Variants in VEPH1 observed in about 807,000 individuals in gnomAD.
VEPH1 encodes the protein ventricular zone-expressed PH domain-containing protein homolog 1.
A neutral mutation model predicts 85.2 loss-of-function variants in VEPH1; 80 were observed. The observed-to-expected ratio is 0.94, with a 90% CI of 0.78 to 1.13. The LOEUF (loss-of-function observed/expected upper bound fraction) is 1.13, where lower values mean the gene tolerates loss of function less well. Among genes scored for constraint, VEPH1 ranks in the 50% most tolerant of loss-of-function variants. The pLI is 0.00. For missense variants in VEPH1, 955 were observed against 980.5 expected, an observed-to-expected ratio of 0.97 and a Z score of 0.35; for synonymous variants, 297 against 348.0, an observed-to-expected ratio of 0.85 and a Z score of 1.63.
chr3:157,454,109 G>A (rs766154780), intron 4 of VEPH1, among the ~76,000 whole-genome samples: 8 of 151,974 alleles, frequency 5.3e-5, no homozygotes, highest in Non-Finnish European at 1.2e-4. Context: ...GACTATCATG[G>A]TTTTAAAATG....
intron 6 of VEPH1, among the ~76,000 whole-genome samples, chr3:157,384,732 C>T (rs1039731247): frequency 3.3e-5 from 5 of 152,124 alleles, no homozygotes; most frequent in African/African-American, 1.2e-4. Context: ...TGTTCTGAAA[C>T]CTTGGAGCAC....
At chr3:157,475,155 A>ATTTTTTTAAT (rs1384977543) in intron 2 of VEPH1, among the ~76,000 whole-genome samples, 1 of 127,592 alleles carries the variant, frequency 7.8e-6, no homozygotes, top group African/African-American at 3.0e-5. Context: ...AATTTTTTTA[A>ATTTTTTTAAT]TTTTTTTTTT....
At chr3:157,468,864 C>T (rs1333943195) in intron 3 of VEPH1, among the ~76,000 whole-genome samples, 2 of 151,624 alleles carry the variant, frequency 1.3e-5, no homozygotes, top group Non-Finnish European at 2.9e-5. Flanking sequence ...TCTTTTTCTC[C>T]CTCTTCACCT....
chr3:157,368,479 TTTTG>T (rs60491760), intron 7 of VEPH1, among the ~76,000 whole-genome samples: 174 of 150,982 alleles, frequency 1.2e-3, no homozygotes, highest in African/African-American at 1.8e-3. Flanking sequence ...ACAATAAGTT[TTTTG>T]TTTGTTTGTT....
intron 5 of VEPH1, among the ~76,000 whole-genome samples, chr3:157,418,134 C>G (rs1257071437): frequency 2.0e-5 from 3 of 152,120 alleles, no homozygotes; most frequent in African/African-American, 7.2e-5. Flanking sequence ...AAAGGAATTC[C>G]AAGATCTCAG....
chr3:157,318,169 T>C (rs988647018), intron 9 of VEPH1, among the ~76,000 whole-genome samples: 1 of 152,224 alleles, frequency 6.6e-6, no homozygotes, highest in East Asian at 1.9e-4. Flanking sequence ...AGAGCCAGGA[T>C]TGGAACTCAG....
At chr3:157,435,560 C>T (rs963324476) in intron 4 of VEPH1, among the ~76,000 whole-genome samples, 2 of 152,174 alleles carry the variant, frequency 1.3e-5, no homozygotes, top group Non-Finnish European at 2.9e-5. Context: ...TTCTAACTCT[C>T]CACCTTTGGC....
chr3:157,273,025 GA>G (rs1482393713), intron 12 of VEPH1, among the ~76,000 whole-genome samples: 2 of 152,204 alleles, frequency 1.3e-5, no homozygotes, highest in African/African-American at 2.4e-5. Context: ...AAAGGAGTTA[GA>G]GGGGGAAAAC....
At chr3:157,340,759 C>T (rs1206336801) in intron 9 of VEPH1, among the ~76,000 whole-genome samples, 2 of 152,224 alleles carry the variant, frequency 1.3e-5, no homozygotes, top group Admixed American at 6.5e-5. Flanking sequence ...AGTAGCCTAA[C>T]TGGAAGGCAC....
intron 4 of VEPH1, among the ~76,000 whole-genome samples, chr3:157,458,232 T>C (rs928774373): frequency 6.6e-6 from 1 of 152,132 alleles, no homozygotes; most frequent in Non-Finnish European, 1.5e-5. Flanking sequence ...TCTGGTTGTG[T>C]TTATTTGGAG....
intron 7 of VEPH1, among the ~76,000 whole-genome samples, chr3:157,379,765 G>A (rs942212817): frequency 1.3e-5 from 2 of 152,154 alleles, no homozygotes; most frequent in Non-Finnish European, 1.5e-5. Context: ...CCATAACTGA[G>A]CACCTTCCAT....
chr3:157,365,578 A>G (rs1337882933), intron 7 of VEPH1, among the ~76,000 whole-genome samples: 1 of 152,146 alleles, frequency 6.6e-6, no homozygotes, highest in East Asian at 1.9e-4. Flanking sequence ...AGTGAGAAGT[A>G]TGGGGTCCCC....
intron 12 of VEPH1, among the ~76,000 whole-genome samples, chr3:157,282,099 G>T (rs1190787505): frequency 1.3e-5 from 2 of 152,138 alleles, no homozygotes; most frequent in Non-Finnish European, 2.9e-5. Flanking sequence ...GACACAGGAG[G>T]CATTTTGAAA....
chr3:157,350,660 A>G (rs1724762337), intron 9 of VEPH1, among the ~76,000 whole-genome samples: 1 of 152,204 alleles, frequency 6.6e-6, no homozygotes, highest in East Asian at 1.9e-4. Context: ...AAGGAATTCA[A>G]ATATCTTAAC....
intron 5 of VEPH1, among the ~76,000 whole-genome samples, chr3:157,418,085 G>A (rs1732055195): frequency 6.6e-6 from 1 of 152,176 alleles, no homozygotes; most frequent in African/African-American, 2.4e-5. Flanking sequence ...CAAGGACGAA[G>A]TCTTCACAAG....
chr3:157,455,219 T>G (rs914108627), intron 4 of VEPH1, among the ~76,000 whole-genome samples: 5 of 152,330 alleles, frequency 3.3e-5, no homozygotes, highest in East Asian at 3.9e-4. Flanking sequence ...AAATAGTGTA[T>G]AAGCGTTCTC....
chr3:157,425,692 G>T (rs1196033868), intron 5 of VEPH1, among the ~76,000 whole-genome samples: 1 of 152,204 alleles, frequency 6.6e-6, no homozygotes, highest in Non-Finnish European at 1.5e-5. Context: ...CACTTGCCTT[G>T]TCTTAGATAA....
At chr3:157,384,852 T>C (rs540468138) in intron 6 of VEPH1, among the ~76,000 whole-genome samples, 3 of 152,294 alleles carry the variant, frequency 2.0e-5, no homozygotes, top group South Asian at 4.2e-4. Flanking sequence ...TCATGATATT[T>C]TGCCTCTGAG....
chr3:157,356,191 C>T (rs1020528205), intron 9 of VEPH1, among the ~76,000 whole-genome samples: 4 of 151,766 alleles, frequency 2.6e-5, no homozygotes, highest in African/African-American at 4.8e-5. Context: ...GCCACCACAC[C>T]GGGCCAACTG....
Sources: gnomAD v4.1 joint callset for allele counts (sites outside exome capture counted in the v4.1 genomes callset) on GRCh38, gnomAD v4.1.1 for gene constraint, MANE v1.5 for transcripts, NCBI Gene and HGNC (gene_info 2026-07-23, HGNC 2026-07-21) for gene names.